Variants in WEE2 observed in about 807,000 individuals in gnomAD.
WEE2 encodes WEE2 oocyte meiosis inhibiting kinase.
WEE2 carries 50 observed loss-of-function variants against 60.1 expected under a neutral mutation model. The observed-to-expected ratio is 0.83, with a 90% confidence interval of 0.66 to 1.05. The LOEUF (loss-of-function observed/expected upper bound fraction) is 1.05. WEE2 is among the 50% of genes least tolerant of loss of function. The pLI is 0.00. For synonymous variants in WEE2, 240 were observed against 241.0 expected (o/e 1.00, Z 0.04); for missense variants, 631 against 684.3 (o/e 0.92, Z 0.87).
rs1799037756 is a variant in WEE2 at position 141,727,420 on chromosome 7, A to C, written c.1509A>C (p.Glu503Asp). ...AGCTCCAACAGCAGCTGAATTTGGA[A>C]AAGTTCAAGACTGCCACACTGGAAA... is the stretch of plus-strand genomic sequence containing the variant. ...TEELQQQLNL[E>D]KFKTATLERE... The change falls in exon 10 of 12, where the codon GAA (glutamate) becomes GAC (aspartate). Residue 503 changes from glutamate (E) to aspartate (D), a missense_variant. Transcript: ENST00000397541. 1 of 1,614,080 alleles carries C rather than the reference A, an allele frequency of 6.2e-7. No homozygotes were observed.
intron 4 of WEE2, among the ~76,000 whole-genome samples, chr7:141,720,215 G>A (rs1798886538): frequency 7.9e-6 from 1 of 126,700 alleles, no homozygotes; most frequent in Non-Finnish European, 1.5e-5. Context: ...GAATGCAGTG[G>A]CACCATCTTG....
At chr7:141,713,561 A>C (rs546203048) in intron 1 of WEE2, among the ~76,000 whole-genome samples, 43 of 152,324 alleles carry the variant, frequency 2.8e-4, no homozygotes, top group African/African-American at 1.0e-3. Flanking sequence ...AAGGGCTTAG[A>C]GTACTAATTT....
chr7:141,728,701 AGTACCAGT>A lies in WEE2; in HGVS notation c.1536-829_1536-822del, dbSNP rs1199108906. 1.3e-3 allele frequency among the ~76,000 whole-genome samples: 196 copies of A among 152,346 alleles called. 2 individuals are homozygous for A. The highest frequency in any genetic ancestry group is 4.5e-3 in the African/African-American group (189 of 41,568). On this transcript the variant is annotated intron_variant, in intron 10 of 11. Transcript: ENST00000397541. ...GTCCCCAGCCCCTGGGCCATGGACCAGTACCAGTCTGTGGCCTGTTAGGAACCGGACTG... is the reference window on the plus strand; with the variant it reads ...GTCCCCAGCCCCTGGGCCATGGACCACTGTGGCCTGTTAGGAACCGGACTG...
chr7:141,725,276 T>A (rs1412571575), intron 9 of WEE2, 80 bp downstream of exon 9: 2 of 1,475,142 alleles, frequency 1.4e-6, no homozygotes, highest in African/African-American at 1.4e-5. Flanking sequence ...CAAAGAAAAA[T>A]GGAGATGCTA....
chr7:141,715,901 C>T (rs902291562), intron 2 of WEE2, among the ~76,000 whole-genome samples: 5 of 152,204 alleles, frequency 3.3e-5, no homozygotes, highest in Non-Finnish European at 7.4e-5. Context: ...TCTCTTGCTC[C>T]AGCACATGGT....
chr7:141,726,867 TTAAAA>T (rs767018522), intron 9 of WEE2, among the ~76,000 whole-genome samples: 37 of 152,304 alleles, frequency 2.4e-4, no homozygotes, highest in Middle Eastern at 3.4e-3. Context: ...ATCGTCTACC[TTAAAA>T]TAAATGCTTC....
In WEE2 at chr7:141,708,864, G is replaced by C. The variant is rs1481721739; in HGVS notation, c.106G>C (p.Ala36Pro). 1.9e-6 allele frequency: 3 copies of C among 1,614,040 alleles called. No individual in the cohort carries two copies. Among genetic ancestry groups the C allele is most frequent in the East Asian group, 2.2e-5 (1 of 44,898 alleles). The stretch of plus-strand genomic sequence containing the variant: ...GAAGAAAGTAGAAGAAAGCAGGGAG[G>C]CTTCGAGCCAAACCCCAGAGAAGGG... ...GQKKVEESRE[A>P]SSQTPEKGEV... is the part of the protein sequence containing the mutation. The change falls in exon 1 of 12, where the codon GCT (alanine) becomes CCT (proline). Residue 36 changes from alanine to proline, a missense_variant. By Grantham distance (27) the Ala-to-Pro change is conservative. Transcript: ENST00000397541.
At chr7:141,715,253 C>T (rs887108347) in intron 2 of WEE2, among the ~76,000 whole-genome samples, 4 of 152,150 alleles carry the variant, frequency 2.6e-5, no homozygotes, top group Admixed American at 6.5e-5. Context: ...ACCAAGAATT[C>T]GATTGGTTTT....
At chr7:141,727,651 A>G (rs920880144) in intron 10 of WEE2, 2 of 541,922 alleles carry the variant, frequency 3.7e-6, no homozygotes, top group African/African-American at 3.8e-5. Context: ...TGCTTGAGAG[A>G]GAAAATTCCA....
chr7:141,730,439 G>C lies in WEE2; in HGVS notation c.*119G>C. On this transcript the variant is annotated 3_prime_UTR_variant, in exon 12 of 12. Transcript: ENST00000397541. ...ATAGAAAGGAATAGAATTTAGTTTAGAGTTGAAGTCACAGCTTACAGAAAA... is the reference window on the plus strand; with the variant it reads ...ATAGAAAGGAATAGAATTTAGTTTACAGTTGAAGTCACAGCTTACAGAAAA... 1.1e-6 allele frequency: 1 copy of C among 902,970 alleles called. No homozygotes were observed. 55.9% of individuals were successfully genotyped at this position (902,970 alleles called of 1,614,324 possible). A position where few individuals can be genotyped will look rare whatever the true frequency, so the allele number is the denominator to read the frequency against.
chr7:141,708,790 G>A lies in WEE2; in HGVS notation c.32G>A (p.Arg11Lys). The change falls in exon 1 of 12, where the codon AGG becomes AAG. Residue 11 changes from arginine (R) to lysine (K), a missense_variant. Physicochemically the swap from Arg to Lys is conservative, Grantham distance 26. Coordinates refer to ENST00000397541, the MANE Select transcript of WEE2 (RefSeq NM_001105558.1). ...GACAAAGATATTGACAAAGAACTAAGGCAGAAATTAAACTTTTCCTATTGT... is the reference window on the plus strand; with the variant it reads ...GACAAAGATATTGACAAAGAACTAAAGCAGAAATTAAACTTTTCCTATTGT... Reference protein sequence around the residue: MDDKDIDKELRQKLNFSYCEE... With the variant: MDDKDIDKELKQKLNFSYCEE... 1 of 1,614,016 alleles carries A rather than the reference G, an allele frequency of 6.2e-7. No individual in the cohort carries two copies. The highest frequency in any genetic ancestry group is 8.5e-7 in the Non-Finnish European group (1 of 1,179,982).
At chr7:141,726,717 A>G (rs1400143988) in intron 9 of WEE2, among the ~76,000 whole-genome samples, 2 of 152,258 alleles carry the variant, frequency 1.3e-5, no homozygotes, top group African/African-American at 4.8e-5. Context: ...ATGGAGCTTC[A>G]GCAAAGTTTA....
intron 3 of WEE2, 131 bp downstream of exon 3, chr7:141,716,398 C>T: frequency 1.2e-6 from 1 of 826,554 alleles, no homozygotes; most frequent in South Asian, 1.7e-5. Flanking sequence ...TCTCCTTCCT[C>T]ACCCTCCCCT....
intron 9 of WEE2, among the ~76,000 whole-genome samples, chr7:141,726,561 C>A (rs1198769839): frequency 6.6e-6 from 1 of 152,172 alleles, no homozygotes; most frequent in Admixed American, 6.5e-5. Flanking sequence ...TCACCTATTT[C>A]CATATGTAAA....
intron 3 of WEE2, among the ~76,000 whole-genome samples, chr7:141,718,237 G>T (rs1473333133): frequency 6.6e-6 from 1 of 152,116 alleles, no homozygotes; most frequent in African/African-American, 2.4e-5. Context: ...AGATGACTTT[G>T]GGAGATAAAT....
intron 2 of WEE2, among the ~76,000 whole-genome samples, chr7:141,715,733 G>A (rs1798783190): frequency 1.3e-5 from 2 of 152,198 alleles, no homozygotes; most frequent in Non-Finnish European, 2.9e-5. Context: ...GTGTGGTGTG[G>A]CAGTGAGGAG....
At chr7:141,722,353 C>T (rs4726472) in intron 5 of WEE2, among the ~76,000 whole-genome samples, 86,741 of 151,890 alleles carry the variant, frequency 0.57, 25,659 homozygotes, top group African/African-American at 0.74. Flanking sequence ...TGCAGCGAGC[C>T]GAGACCATGC....
Position 141,711,651 on chromosome 7 carries a change from C to T in WEE2, c.342+2551C>T, listed in dbSNP as rs1245928979. 2.0e-5 allele frequency: 3 copies of T among 152,192 alleles called. No individual in the cohort carries two copies. The highest frequency in any genetic ancestry group is 6.5e-5 in the Admixed American group (1 of 15,278). The allele number at this position is 152,192 out of a possible 1,614,324, so 9.4% of individuals were successfully genotyped here. On this transcript the variant is annotated intron_variant, in intron 1 of 11. Coordinates refer to ENST00000397541, the MANE Select transcript of WEE2 (RefSeq NM_001105558.1). This position sits in a 1 kb window ranked among gnomAD's most constrained non-coding sequence, Gnocchi z 4.2. ...CATAGAACACTCATTGATGACCGAC[C>T]ACTTGGTAGAAATACTGCAGAAGGG...
In WEE2 at chr7:141,724,294, G is replaced by A. The variant is rs1798973141; in HGVS notation, c.1221+19G>A. On this transcript the variant is annotated intron_variant, in intron 8 of 11. Transcript: ENST00000397541. Reference sequence around the variant, plus strand: ...GCAAGAGGTATAGATTAGGGAAATGGAGGGTATTTTATAATCTGTTGAACC... The same window carrying A: ...GCAAGAGGTATAGATTAGGGAAATGAAGGGTATTTTATAATCTGTTGAACC... 6.3e-7 allele frequency: 1 copy of A among 1,590,516 alleles called. No homozygotes were observed. Among genetic ancestry groups the A allele is most frequent in the South Asian group, 1.1e-5 (1 of 87,164 alleles).
Sources: allele counts gnomAD v4.1 joint callset (sites outside exome capture counted in the v4.1 genomes callset), GRCh38; gene constraint gnomAD v4.1.1; non-coding constraint Gnocchi (gnomAD v3.1); transcripts MANE v1.5; gene names NCBI Gene and HGNC (gene_info 2026-07-23, HGNC 2026-07-21).